BUB3: variants seen among roughly 807,000 people sequenced by gnomAD.
BUB3 encodes mitotic checkpoint protein BUB3.
BUB3 carries 22 observed loss-of-function variants against 39.9 expected under a neutral mutation model. The ratio of observed to expected loss-of-function variants is 0.55; its 90% CI spans 0.39 to 0.79. BUB3 has a LOEUF of 0.79. Ranked by LOEUF, BUB3 falls within the 30% of genes least tolerant of loss-of-function variation. The pLI is 0.00. For synonymous variants in BUB3, 168 were observed against 155.1 expected, an observed-to-expected ratio of 1.08 and a Z score of -0.62; for missense variants, 303 against 415.4, an observed-to-expected ratio of 0.73 and a Z score of 2.35.
rs910464269 is a variant in BUB3 at position 123,160,641 on chromosome 10, G to A, written c.576+76G>A. ...TTATATTATAATGATTTGGCCACTA[G>A]CCCCTAAAGCCTTCTTTTTTTTTTT... On this transcript the variant is annotated intron_variant, in intron 5 of 7. Coordinates refer to ENST00000368865, the MANE Select transcript of BUB3 (RefSeq NM_004725.4). 7 of 1,259,704 alleles carry A rather than the reference G, an allele frequency of 5.6e-6. No individual in the cohort carries two copies. In the African/African-American group the frequency reaches 7.7e-5, roughly 14 times the overall value. The allele number at this position is 1,259,704 out of a possible 1,614,324, so 78.0% of individuals were successfully genotyped here.
rs144569457 is a variant in BUB3 at position 123,158,190 on chromosome 10, C to T, written c.417+310C>T. Among the ~76,000 whole-genome samples the T allele has an allele frequency of 1.2e-4, 18 of 152,154 alleles. No homozygotes were observed. In the East Asian group the frequency reaches 2.3e-3, roughly 20 times the overall value. ...CAGAGAAGTCATTTAGCAGACTGTTCGATTGTCTTAAATTGACGCTCCATC... is the reference window on the plus strand; with the variant it reads ...CAGAGAAGTCATTTAGCAGACTGTTTGATTGTCTTAAATTGACGCTCCATC... On this transcript the variant is annotated intron_variant, in intron 4 of 7. Coordinates refer to ENST00000368865, the MANE Select transcript of BUB3 (RefSeq NM_004725.4).
At chr10:123,157,024 C>G (rs1844358579) in intron 3 of BUB3, among the ~76,000 whole-genome samples, 1 of 152,120 alleles carries the variant, frequency 6.6e-6, no homozygotes, top group Non-Finnish European at 1.5e-5. Context: ...GCTAATCTTA[C>G]TGTTTGCAGG....
rs1184281445 is a variant in BUB3, at chr10:123,162,392, A to C, written c.733A>C (p.Ile245Leu). The change falls in exon 6 of 8, where the codon ATC becomes CTC. Residue 245 changes from isoleucine (I) to leucine (L), a missense_variant. Around this residue, in one of 2 missense-constraint regions of BUB3, gnomAD observed 182 missense variants for 293.1 expected, o/e 0.62. Transcript: ENST00000368865. ...YPVNAISFHN[I>L]HNTFATGGSD... ...AGTCAATGCCATTTCTTTTCACAATATCCACAATACATTTGCCACAGGTAA... is the reference window on the plus strand; with the variant it reads ...AGTCAATGCCATTTCTTTTCACAATCTCCACAATACATTTGCCACAGGTAA... 2 of 1,614,034 alleles carry C rather than the reference A, an allele frequency of 1.2e-6. No homozygotes were observed. The highest frequency in any genetic ancestry group is 1.7e-6 in the Non-Finnish European group (2 of 1,179,948).
At chr10:123,160,308 TTTTTTATGGTC>T (rs1463875931) in intron 4 of BUB3, 88 bp from the exon 5 acceptor site, 1 of 1,149,848 alleles carries the variant, frequency 8.7e-7, no homozygotes, top group African/African-American at 1.6e-5. Flanking sequence ...AGTCAGCTAA[TTTTTTATGGTC>T]TTATGATCAG....
Position 123,162,680 on chromosome 10 carries a change from T to A in BUB3, c.823T>A (p.Tyr275Asn). 1 of 1,608,656 alleles carries A rather than the reference T, an allele frequency of 6.2e-7. No individual in the cohort carries two copies. The highest frequency in any genetic ancestry group is 8.5e-7 in the Non-Finnish European group (1 of 1,178,734). ...NKKRLCQFHR[Y>N]PTSIASLAFS... is the part of the protein sequence containing the mutation. Reference sequence around the variant, plus strand: ...AAAGCGACTGTGCCAATTCCATCGGTACCCCACGAGCATCGCATCACTTGC... The same window carrying A: ...AAAGCGACTGTGCCAATTCCATCGGAACCCCACGAGCATCGCATCACTTGC... Residue 275 changes from tyrosine to asparagine, a missense_variant, in exon 7 of 8, where the codon TAC (tyrosine) becomes AAC (asparagine). By Grantham distance (143) the Tyr-to-Asn change is moderately radical. Around this residue, in one of 2 missense-constraint regions of BUB3, gnomAD observed 182 missense variants for 293.1 expected, o/e 0.62. Coordinates refer to ENST00000368865, the MANE Select transcript of BUB3 (RefSeq NM_004725.4).
Position 123,166,144 on chromosome 10 carries a change from A to G in BUB3, c.*2309A>G, listed in dbSNP as rs997458570. On this transcript the variant is annotated 3_prime_UTR_variant, in exon 8 of 8. Coordinates refer to ENST00000368865, the MANE Select transcript of BUB3 (RefSeq NM_004725.4). ...TATGGTTATAGCTACCTTTTCCCCA[A>G]GTTACCCAGGTGTAGTTACCTTGGC... 1 of 152,030 alleles carries G rather than the reference A, an allele frequency of 6.6e-6. No individual in the cohort carries two copies. The highest frequency in any genetic ancestry group is 1.5e-5 in the Non-Finnish European group (1 of 68,006). 9.4% of individuals were successfully genotyped at this position (152,030 alleles called of 1,614,324 possible).
In BUB3 at chr10:123,170,420, GT is replaced by G. The variant is rs1844534510; in HGVS notation, c.*6590del. The G allele has an allele frequency of 6.6e-6, 1 of 152,114 alleles. No homozygotes were observed. The highest frequency in any genetic ancestry group is 1.5e-5 in the Non-Finnish European group (1 of 68,026). The allele number at this position is 152,114 out of a possible 1,614,324, so 9.4% of individuals were successfully genotyped here. A position where few individuals can be genotyped will look rare whatever the true frequency, so the allele number is the denominator to read the frequency against. ...CTGTTTAGATTTTAAAAAGTTCAAT[GT>G]TTTTCTGTATTTTATCTCTTCATTT... On this transcript the variant is annotated 3_prime_UTR_variant, in exon 8 of 8. Coordinates refer to ENST00000368865, the MANE Select transcript of BUB3 (RefSeq NM_004725.4).
At chr10:123,159,012 A>G (rs887453786) in intron 4 of BUB3, among the ~76,000 whole-genome samples, 1 of 152,232 alleles carries the variant, frequency 6.6e-6, no homozygotes, top group Non-Finnish European at 1.5e-5. Flanking sequence ...TTGTACCATT[A>G]TAAATCGATC....
In BUB3 at chr10:123,165,471, T is replaced by G. The variant is rs1212201842; in HGVS notation, c.*1636T>G. On this transcript the variant is annotated 3_prime_UTR_variant, in exon 8 of 8. Transcript: ENST00000368865. ...ATGTTGGGGGATGACATTTTACCTT[T>G]AAGTCCACTCTCCCTCGTTTAATTG... The G allele has an allele frequency of 1.2e-5, 2 of 161,180 alleles. No homozygotes were observed. The highest frequency in any genetic ancestry group is 2.4e-5 in the African/African-American group (1 of 41,720). The allele number at this position is 161,180 out of a possible 1,614,324, so 10.0% of individuals were successfully genotyped here. A position where few individuals can be genotyped will look rare whatever the true frequency, so the allele number is the denominator to read the frequency against.
At chr10:123,160,294 A>C in intron 4 of BUB3, 113 bp from the exon 5 acceptor site, 2 of 927,706 alleles carry the variant, frequency 2.2e-6, no homozygotes, top group Non-Finnish European at 1.6e-6. Context: ...TGATTGGGGA[A>C]TTCAGTCAGC....
rs1304045961 is a variant in BUB3 at position 123,162,736 on chromosome 10, A to T, written c.879A>T (p.Ile293=). The T allele has an allele frequency of 6.2e-7, 1 of 1,614,048 alleles. No individual in the cohort carries two copies. The highest frequency in any genetic ancestry group is 8.5e-7 in the Non-Finnish European group (1 of 1,179,978). ...GTAATGATGGGACTACGCTTGCAATAGCGTCATCATATATGTATGAAATGG... is the reference window on the plus strand; with the variant it reads ...GTAATGATGGGACTACGCTTGCAATTGCGTCATCATATATGTATGAAATGG... The part of the protein sequence containing the change: ...AFSNDGTTLA[I]ASSYMYEMDD... The change falls in exon 7 of 8, where the codon ATA becomes ATT. Residue 293 remains isoleucine, a synonymous_variant. Transcript: ENST00000368865.
intron 3 of BUB3, among the ~76,000 whole-genome samples, chr10:123,156,530 C>T (rs1844349521): frequency 1.3e-5 from 2 of 152,216 alleles, no homozygotes; most frequent in South Asian, 2.1e-4. Context: ...AAAGCTACTT[C>T]TTCTGTAACT....
In BUB3 at chr10:123,167,087, C is replaced by CA. The variant is rs1844502100; in HGVS notation, c.*3253dup. Reference sequence around the variant, plus strand: ...CGAATCCTTGTAAATTTGTTTAACTCAGTTTTCCCCAAATTCATTTAAGCC... The same window carrying CA: ...CGAATCCTTGTAAATTTGTTTAACTCAAGTTTTCCCCAAATTCATTTAAGCC... On this transcript the variant is annotated 3_prime_UTR_variant, in exon 8 of 8. Coordinates refer to ENST00000368865, the MANE Select transcript of BUB3 (RefSeq NM_004725.4). The CA allele has an allele frequency of 6.6e-6, 1 of 152,320 alleles. No homozygotes were observed. Among genetic ancestry groups the CA allele is most frequent in the Admixed American group, 6.5e-5 (1 of 15,302 alleles). 9.4% of individuals were successfully genotyped at this position (152,320 alleles called of 1,614,324 possible). A position where few individuals can be genotyped will look rare whatever the true frequency, so the allele number is the denominator to read the frequency against.
intron 5 of BUB3, among the ~76,000 whole-genome samples, chr10:123,161,215 A>G (rs990833371): frequency 2.0e-5 from 3 of 152,186 alleles, no homozygotes; most frequent in Non-Finnish European, 4.4e-5. Context: ...GGTCAGGTGC[A>G]ATAGGAATTT....
At position 123,155,006 on chromosome 10, in the gene BUB3, T is replaced by C; in HGVS notation, c.89T>C (p.Leu30Pro). 1 of 1,614,204 alleles carries C rather than the reference T, an allele frequency of 6.2e-7. No homozygotes were observed. Among genetic ancestry groups the C allele is most frequent in the Non-Finnish European group, 8.5e-7 (1 of 1,180,030 alleles). ...VKFSPNTSQF[L>P]LVSSWDTSVR... ...TTCAGCCCCAACACCTCCCAGTTCC[T>C]GCTTGTCTCCTCCTGGGACACGTCC... Residue 30 changes from leucine (L) to proline (P), a missense_variant, in exon 2 of 8, where the codon CTG becomes CCG. This residue lies in a region of BUB3 where 121 missense variants were observed against 122.3 expected (regional missense o/e 0.99). Coordinates refer to ENST00000368865, the MANE Select transcript of BUB3 (RefSeq NM_004725.4).
At position 123,161,756 on chromosome 10, in the gene BUB3, T is replaced by C. The variant is rs146457523; in HGVS notation, c.577-480T>C. ...TGAAAGTCTTTGTGCAAACCTGACT[T>C]GCTGTATTAAATGCAAGAAGTAGTA... On this transcript the variant is annotated intron_variant, in intron 5 of 7. Coordinates refer to ENST00000368865, the MANE Select transcript of BUB3 (RefSeq NM_004725.4). 4.5e-3 allele frequency among the ~76,000 whole-genome samples: 691 copies of C among 152,376 alleles called. 20 individuals are homozygous for C. The highest frequency in any genetic ancestry group is 0.037 in the Admixed American group (563 of 15,304).
At position 123,164,924 on chromosome 10, in the gene BUB3, A is replaced by T. The variant is rs1589692267; in HGVS notation, c.*1089A>T. On this transcript the variant is annotated 3_prime_UTR_variant, in exon 8 of 8. Coordinates refer to ENST00000368865, the MANE Select transcript of BUB3 (RefSeq NM_004725.4). ...TTGGACCTTTCCTGAGATTTATTTTATCCGTGATGTATTTTTTTTAATTCT... is the reference window on the plus strand; with the variant it reads ...TTGGACCTTTCCTGAGATTTATTTTTTCCGTGATGTATTTTTTTTAATTCT... 4.8e-6 allele frequency: 7 copies of T among 1,464,532 alleles called. No individual in the cohort carries two copies. In the South Asian group the frequency reaches 1.0e-4, roughly 21 times the overall value. 90.7% of individuals were successfully genotyped at this position (1,464,532 alleles called of 1,614,324 possible). A position where few individuals can be genotyped will look rare whatever the true frequency, so the allele number is the denominator to read the frequency against.
Position 123,155,046 on chromosome 10 carries a change from T to A in BUB3, c.129T>A (p.Asp43Glu). The A allele has an allele frequency of 6.2e-7, 1 of 1,614,198 alleles. No homozygotes were observed. The highest frequency in any genetic ancestry group is 8.5e-7 in the Non-Finnish European group (1 of 1,180,032). The part of the protein sequence containing the change: ...SSWDTSVRLY[D>E]VPANSMRLKY... ...GGGACACGTCCGTGCGTCTCTACGATGTGCCGGCCAACTCCATGCGGCTCA... is the reference window on the plus strand; with the variant it reads ...GGGACACGTCCGTGCGTCTCTACGAAGTGCCGGCCAACTCCATGCGGCTCA... Residue 43 changes from aspartate to glutamate, a missense_variant, in exon 2 of 8, where the codon GAT becomes GAA. Physicochemically the swap from Asp to Glu is conservative, Grantham distance 45. Coordinates refer to ENST00000368865, the MANE Select transcript of BUB3 (RefSeq NM_004725.4).
chr10:123,157,554 T>C (rs1202150475), intron 3 of BUB3, among the ~76,000 whole-genome samples, 175 bp from the exon 4 acceptor site: 1 of 152,266 alleles, frequency 6.6e-6, no homozygotes, highest in Non-Finnish European at 1.5e-5. Flanking sequence ...GAGGAACGGA[T>C]AACTTTGTAG....
Sources: allele counts gnomAD v4.1 joint callset (sites outside exome capture counted in the v4.1 genomes callset), GRCh38; gene constraint gnomAD v4.1.1; regional missense constraint gnomAD v4.1.1; transcripts MANE v1.5; gene names NCBI Gene and HGNC (gene_info 2026-07-23, HGNC 2026-07-21).